The following BICRA variants were observed in gnomAD, a reference collection of about 807,000 sequenced individuals.
BICRA encodes the protein BRD4 interacting chromatin remodeling complex associated protein.
Under a neutral mutation model 96.9 loss-of-function variants are expected in BICRA, and 31 were observed. The observed-to-expected ratio is 0.32, with a 90% confidence interval of 0.24 to 0.43. The LOEUF (loss-of-function observed/expected upper bound fraction) is 0.43. Ranked by LOEUF, BICRA falls within the 20% of genes least tolerant of loss-of-function variation. BICRA has a pLI of 1.00. For synonymous variants in BICRA, 1,350 were observed against 1,071.8 expected (o/e 1.26, Z -5.07); for missense variants, 2,283 against 2,190.3 (o/e 1.04, Z -0.84).
intron 1 of BICRA, among the ~76,000 whole-genome samples, chr19:47,668,187 G>A (rs1284311223): frequency 1.3e-5 from 2 of 152,294 alleles, no homozygotes; most frequent in African/African-American, 2.4e-5. Flanking sequence ...CCGAGATCGC[G>A]TCATTGCACC....
chr19:47,622,933 G>T (rs1364856190), intron 1 of BICRA, among the ~76,000 whole-genome samples: 2 of 148,974 alleles, frequency 1.3e-5, no homozygotes, highest in African/African-American at 2.5e-5. Context: ...AGCTACTCAG[G>T]AGGCTGAGGC....
chr19:47,681,717 C>T (rs983861843), intron 6 of BICRA, among the ~76,000 whole-genome samples: 2 of 151,968 alleles, frequency 1.3e-5, no homozygotes, highest in Admixed American at 6.6e-5. Flanking sequence ...AGAAAGTGGA[C>T]GAGACAGGGA....
At chr19:47,621,447 G>C (rs1025745819) in intron 1 of BICRA, among the ~76,000 whole-genome samples, 1 of 146,770 alleles carries the variant, frequency 6.8e-6, no homozygotes, top group Non-Finnish European at 1.5e-5. Flanking sequence ...TCCTGCTTTT[G>C]TATTTAAAAT....
intron 5 of BICRA, 31 bp from the exon 6 acceptor site, chr19:47,679,290 C>T (rs554531895): frequency 1.4e-6 from 2 of 1,413,856 alleles, no homozygotes; most frequent in African/African-American, 1.5e-5. Context: ...CTAACCTCAG[C>T]TCTTTCCTTC....
chr19:47,626,823 G>A (rs1972148426), intron 1 of BICRA, among the ~76,000 whole-genome samples: 1 of 148,196 alleles, frequency 6.7e-6, no homozygotes, highest in African/African-American at 2.5e-5. Flanking sequence ...CCGGGTTCAA[G>A]CAACTCTCCT....
rs1053762820 is a variant in BICRA, at chr19:47,649,962, C to CT, written c.-107-20470dup. Among the ~76,000 whole-genome samples, 206 of 147,670 alleles carry CT rather than the reference C, an allele frequency of 1.4e-3. No homozygotes were observed. The Middle Eastern group carries it at 0.014, about 10-fold the overall frequency. Reference sequence around the variant, plus strand: ...AAAGTAATTGCAGTTTTTGCCATTACTTTTTTTTTTTGAGACAGAGTCTCT... The same window carrying CT: ...AAAGTAATTGCAGTTTTTGCCATTACTTTTTTTTTTTTGAGACAGAGTCTCT... On this transcript the variant is annotated intron_variant, in intron 1 of 14. Transcript: ENST00000594866.
At chr19:47,673,218 C>T (rs1359533562) in intron 2 of BICRA, among the ~76,000 whole-genome samples, 1 of 152,126 alleles carries the variant, frequency 6.6e-6, no homozygotes, top group Non-Finnish European at 1.5e-5. Context: ...CCGGTGCCTC[C>T]AGTTCTCATC....
At chr19:47,624,992 CTTTTTTTTT>C (rs35273886) in intron 1 of BICRA, among the ~76,000 whole-genome samples, 1 of 57,906 alleles carries the variant, frequency 1.7e-5, no homozygotes, top group Admixed American at 3.0e-4. Context: ...CTGCACCTGG[CTTTTTTTTT>C]TTTTTTTTTT....
chr19:47,613,174 G>C (rs1429251933), intron 1 of BICRA, among the ~76,000 whole-genome samples: 1 of 151,992 alleles, frequency 6.6e-6, no homozygotes, highest in Non-Finnish European at 1.5e-5. Context: ...AGGGCCAGGG[G>C]ATCAGCACCC....
In BICRA at chr19:47,656,408, A is replaced by G. The variant is rs150794455; in HGVS notation, c.-107-14035A>G. Among the ~76,000 whole-genome samples the G allele has an allele frequency of 7.9e-5, 12 of 152,336 alleles. No homozygotes were observed. In the East Asian group the frequency reaches 2.3e-3, roughly 29 times the overall value. On this transcript the variant is annotated intron_variant, in intron 1 of 14. Transcript: ENST00000594866. ...TTAAATAAGGTGTCTTCGAACAGAAACACACATAAGCCAAGGTTTTATATT... is the reference window on the plus strand; with the variant it reads ...TTAAATAAGGTGTCTTCGAACAGAAGCACACATAAGCCAAGGTTTTATATT...
intron 1 of BICRA, among the ~76,000 whole-genome samples, chr19:47,633,392 G>T (rs565092956): frequency 6.6e-6 from 1 of 152,176 alleles, no homozygotes; most frequent in South Asian, 2.1e-4. Context: ...ATTTTTCCAA[G>T]ATGGGATCTC....
intron 1 of BICRA, among the ~76,000 whole-genome samples, chr19:47,616,239 T>C (rs1971982598): frequency 6.6e-6 from 1 of 152,128 alleles, no homozygotes; most frequent in African/African-American, 2.4e-5. Flanking sequence ...GTGGCTGTGA[T>C]TGGAATAATT....
intron 7 of BICRA, among the ~76,000 whole-genome samples, chr19:47,688,295 A>T (rs528744585): frequency 6.6e-6 from 1 of 152,082 alleles, no homozygotes; most frequent in South Asian, 2.1e-4. Flanking sequence ...AGAAGGAGGG[A>T]ATCTCTTGGT....
At chr19:47,656,900 C>T (rs1264644080) in intron 1 of BICRA, among the ~76,000 whole-genome samples, 10 of 151,980 alleles carry the variant, frequency 6.6e-5, no homozygotes, top group Non-Finnish European at 1.3e-4. Context: ...CTTGCTCTGT[C>T]GCCCAGGCTG....
intron 1 of BICRA, among the ~76,000 whole-genome samples, chr19:47,647,090 T>C (rs567869894): frequency 1.3e-5 from 2 of 152,222 alleles, no homozygotes; most frequent in African/African-American, 2.4e-5. Flanking sequence ...AGCGTGATGT[T>C]GTCAAGGTCC....
chr19:47,699,797 T>G lies in BICRA; in HGVS notation c.3595+392T>G, dbSNP rs997384587. 6.6e-6 allele frequency among the ~76,000 whole-genome samples: 1 copy of G among 152,108 alleles called. No individual in the cohort carries two copies. Among genetic ancestry groups the G allele is most frequent in the African/African-American group, 2.4e-5 (1 of 41,424 alleles). Reference sequence around the variant, plus strand: ...GAGCACCTCCTTAAGTGTTGCACCTTAGGTGGCTCGCTGGCCTCACTCTAG... The same window carrying G: ...GAGCACCTCCTTAAGTGTTGCACCTGAGGTGGCTCGCTGGCCTCACTCTAG... On this transcript the variant is annotated intron_variant, in intron 14 of 14. Transcript: ENST00000594866. This position sits in a 1 kb window ranked among gnomAD's most constrained non-coding sequence, Gnocchi z 5.0.
intron 11 of BICRA, among the ~76,000 whole-genome samples, chr19:47,696,971 C>CGAGA (rs1973354426): frequency 6.7e-6 from 1 of 148,538 alleles, no homozygotes; most frequent in African/African-American, 2.5e-5. Flanking sequence ...TGCCCTCTCT[C>CGAGA]CTGCCCTCCT....
At chr19:47,696,363 C>CG (rs781735064) in intron 10 of BICRA, 88 bp from the exon 11 acceptor site, 34 of 1,253,802 alleles carry the variant, frequency 2.7e-5, no homozygotes, top group Non-Finnish European at 3.7e-5. Flanking sequence ...TCCCCTGTCC[C>CG]GTCTTTATCC....
intron 7 of BICRA, among the ~76,000 whole-genome samples, chr19:47,691,267 AACAG>A (rs769958596): frequency 3.9e-4 from 60 of 152,352 alleles, no homozygotes; most frequent in Middle Eastern, 6.8e-3. Flanking sequence ...ACCCAATAGA[AACAG>A]ACAGAATGCT....
Sources: allele counts gnomAD v4.1 joint callset (sites outside exome capture counted in the v4.1 genomes callset), GRCh38; gene constraint gnomAD v4.1.1; non-coding constraint Gnocchi (gnomAD v3.1); transcripts MANE v1.5; gene names NCBI Gene and HGNC (gene_info 2026-07-23, HGNC 2026-07-21).